FRMD3: variants seen among roughly 807,000 people sequenced by gnomAD.
The protein encoded by FRMD3 is FERM domain containing 3.
FRMD3 carries 33 observed loss-of-function variants against 70.2 expected under a neutral mutation model. The observed-to-expected ratio is 0.47, with a 90% confidence interval of 0.36 to 0.63. The LOEUF (loss-of-function observed/expected upper bound fraction) is 0.63. Ranked by LOEUF, FRMD3 falls within the 20% of genes least tolerant of loss-of-function variation. The pLI is 0.00. For missense variants in FRMD3, 632 were observed against 711.4 expected (o/e 0.89, Z 1.27); for synonymous variants, 279 against 255.9 (o/e 1.09, Z -0.86).
intron 1 of FRMD3, among the ~76,000 whole-genome samples, chr9:83,436,457 G>GGTGTGT (rs1380086821): frequency 3.7e-5 from 4 of 108,292 alleles, no homozygotes; most frequent in South Asian, 4.9e-4. Context: ...TAATTAATAA[G>GGTGTGT]ATGTGTGTGT....
intron 13 of FRMD3, among the ~76,000 whole-genome samples, chr9:83,250,151 C>T (rs1587614118): frequency 6.6e-6 from 1 of 152,242 alleles, no homozygotes; most frequent in East Asian, 1.9e-4. Flanking sequence ...TAAAGAAAAG[C>T]AGAAGAGGGG....
intron 1 of FRMD3, among the ~76,000 whole-genome samples, chr9:83,465,947 C>T (rs1828115190): frequency 6.6e-6 from 1 of 152,296 alleles, no homozygotes; most frequent in Admixed American, 6.5e-5. Context: ...TGCAAGGACC[C>T]ATCTACTTAG....
Position 83,538,034 on chromosome 9 carries a change from C to A in FRMD3, c.147+51G>T, listed in dbSNP as rs1375344300. ...CTCGCATGCCCACCGCAAAGGCCCCCCGCCCTGCTCCCGGCGTGTGCCCCG... is the reference window on the plus strand; with the variant it reads ...CTCGCATGCCCACCGCAAAGGCCCCACGCCCTGCTCCCGGCGTGTGCCCCG... On this transcript the variant is annotated intron_variant, in intron 1 of 13. Transcript: ENST00000304195. This position sits in a 1 kb window ranked among gnomAD's most constrained non-coding sequence, Gnocchi z 4.7. 3.1e-6 allele frequency: 5 copies of A among 1,596,084 alleles called. No homozygotes were observed. The South Asian group carries it at 5.6e-5, about 18-fold the overall frequency.
chr9:83,554,236 A>G, the FRMD3 span, among the ~76,000 whole-genome samples: 1 of 152,022 alleles, frequency 6.6e-6, no homozygotes, highest in Non-Finnish European at 1.5e-5. Flanking sequence ...ATGTTTCCTC[A>G]CAGTTGCAAC....
At chr9:83,497,301 A>C (rs1483108283) in intron 1 of FRMD3, among the ~76,000 whole-genome samples, 2 of 152,170 alleles carry the variant, frequency 1.3e-5, no homozygotes, top group Non-Finnish European at 2.9e-5. Context: ...CTGTGCCCAA[A>C]AGATCTCAAG....
intron 6 of FRMD3, among the ~76,000 whole-genome samples, chr9:83,322,859 C>T (rs1835854819): frequency 6.6e-6 from 1 of 152,208 alleles, no homozygotes; most frequent in African/African-American, 2.4e-5. Flanking sequence ...AGAAGTCTCT[C>T]CTAGACTAGC....
intron 2 of FRMD3, among the ~76,000 whole-genome samples, chr9:83,374,386 C>A (rs550305110): frequency 5.3e-5 from 7 of 132,084 alleles, no homozygotes; most frequent in African/African-American, 5.5e-5. Context: ...GTCACACACA[C>A]AAAAAAACAT....
chr9:83,284,781 G>A (rs1019059560), intron 13 of FRMD3, among the ~76,000 whole-genome samples: 1 of 152,178 alleles, frequency 6.6e-6, no homozygotes, highest in South Asian at 2.1e-4. Context: ...ACTACAGAAA[G>A]GGAGAAAAGA....
intron 13 of FRMD3, among the ~76,000 whole-genome samples, chr9:83,278,294 G>A (rs1205223224): frequency 5.9e-5 from 9 of 152,168 alleles, no homozygotes; most frequent in Non-Finnish European, 1.3e-4. Context: ...TCATAGGCCA[G>A]AGGAAGGAGC....
At position 83,336,508 on chromosome 9, in the gene FRMD3, AGGTGT is replaced by A. The variant is rs1823584401; in HGVS notation, c.473-874_473-870del. 2.0e-5 allele frequency among the ~76,000 whole-genome samples: 3 copies of A among 151,046 alleles called. No homozygotes were observed. The South Asian group carries it at 6.4e-4, about 32-fold the overall frequency. On this transcript the variant is annotated intron_variant, in intron 5 of 13. Transcript: ENST00000304195. ...GAGCTGCCTGCTCTGAGGCTTATGC[AGGTGT>A]GGCTTATTCATTGAAAAATCACTAG...
In FRMD3 at chr9:83,298,764, G is replaced by C. The variant is rs769506542; in HGVS notation, c.1054C>G (p.Pro352Ala). Residue 352 changes from proline (P) to alanine (A), a missense_variant, in exon 12 of 14, where the codon CCT becomes GCT. Pro to Ala is a conservative substitution (Grantham distance 27). Transcript: ENST00000304195. ...VEASSKIQRE[P>A]PEVHRANITQ... The stretch of plus-strand genomic sequence containing the variant: ...TCCACTCACCTGTGCACCTCAGGAG[G>C]CTCCCTCTGGATCTTGGAACTGGCC... 1 of 1,614,020 alleles carries C rather than the reference G, an allele frequency of 6.2e-7. No individual in the cohort carries two copies. The highest frequency in any genetic ancestry group is 1.3e-5 in the African/African-American group (1 of 74,936).
intron 1 of FRMD3, among the ~76,000 whole-genome samples, chr9:83,493,817 T>A (rs567144314): frequency 1.8e-4 from 28 of 152,214 alleles, no homozygotes; most frequent in African/African-American, 6.7e-4. Context: ...GCAGCTCAAG[T>A]CCCTCCCTTC....
the FRMD3 span, among the ~76,000 whole-genome samples, chr9:83,577,881 T>G: frequency 2.6e-5 from 4 of 151,620 alleles, no homozygotes; most frequent in Non-Finnish European, 5.9e-5. Context: ...ACAAAAAAAT[T>G]AATGACAATA....
the FRMD3 span, among the ~76,000 whole-genome samples, chr9:83,571,516 C>G: frequency 6.6e-6 from 1 of 152,116 alleles, no homozygotes; most frequent in Non-Finnish European, 1.5e-5. Flanking sequence ...AAGGAGATAC[C>G]AGTAGCTTTG....
chr9:83,267,093 A>G (rs1214357727), intron 13 of FRMD3: 3 of 1,550,712 alleles, frequency 1.9e-6, no homozygotes, highest in Non-Finnish European at 2.6e-6. Flanking sequence ...ACCATGTGCA[A>G]TTGGAGGCTT....
At chr9:83,547,372 C>CT in the FRMD3 span, among the ~76,000 whole-genome samples, 4 of 149,548 alleles carry the variant, frequency 2.7e-5, no homozygotes, top group African/African-American at 7.3e-5. Context: ...CCTTCTTTGT[C>CT]TTTTTTTACT....
At chr9:83,497,033 G>C (rs1367508410) in intron 1 of FRMD3, among the ~76,000 whole-genome samples, 3 of 152,258 alleles carry the variant, frequency 2.0e-5, no homozygotes, top group Non-Finnish European at 4.4e-5. Context: ...AGAATCACTC[G>C]AACCTGGGAG....
intron 13 of FRMD3, among the ~76,000 whole-genome samples, chr9:83,265,961 A>C (rs1043843374): frequency 1.3e-5 from 2 of 152,204 alleles, no homozygotes; most frequent in African/African-American, 4.8e-5. Context: ...ACCATTTCCA[A>C]CAATAATTTG....
chr9:83,453,966 C>T (rs1035825276), intron 1 of FRMD3, among the ~76,000 whole-genome samples: 2 of 152,176 alleles, frequency 1.3e-5, no homozygotes, highest in Non-Finnish European at 2.9e-5. Context: ...CCATCTGCCT[C>T]GGCCTACTAA....
Sources: allele counts gnomAD v4.1 joint callset (sites outside exome capture counted in the v4.1 genomes callset), GRCh38; gene constraint gnomAD v4.1.1; non-coding constraint Gnocchi (gnomAD v3.1); transcripts MANE v1.5; gene names NCBI Gene and HGNC (gene_info 2026-07-23, HGNC 2026-07-21).